The following DOK6 variants were observed in gnomAD, a reference collection of about 807,000 sequenced individuals.
DOK6 encodes the protein downstream of tyrosine kinase 6.
DOK6 carries 22 observed loss-of-function variants against 44.0 expected under a neutral mutation model. The ratio of observed to expected loss-of-function variants is 0.50; its 90% confidence interval spans 0.36 to 0.71. The LOEUF is 0.71. Among genes scored for constraint, DOK6 ranks in the 30% least tolerant of loss-of-function variants. DOK6 has a pLI of 0.00. For missense variants in DOK6, 340 were observed against 416.4 expected, an observed-to-expected ratio of 0.82 and a Z score of 1.60; for synonymous variants, 166 against 145.5, an observed-to-expected ratio of 1.14 and a Z score of -1.01.
At chr18:69,488,123 T>C (rs944091782) in intron 1 of DOK6, among the ~76,000 whole-genome samples, 1 of 152,106 alleles carries the variant, frequency 6.6e-6, no homozygotes, top group Non-Finnish European at 1.5e-5. Flanking sequence ...CACAATCTCA[T>C]AGTGTGTTTC....
chr18:69,496,378 T>G (rs2144544407), intron 1 of DOK6, among the ~76,000 whole-genome samples: 1 of 152,350 alleles, frequency 6.6e-6, no homozygotes, highest in East Asian at 1.9e-4. Context: ...CTCCCACTTG[T>G]CCCGGCTACC....
At chr18:69,455,058 A>AT (rs1192987855) in intron 1 of DOK6, among the ~76,000 whole-genome samples, 6 of 143,150 alleles carry the variant, frequency 4.2e-5, no homozygotes, top group Admixed American at 7.4e-5. Flanking sequence ...TTAAAGTATA[A>AT]TAAAAAAAAA....
intron 3 of DOK6, among the ~76,000 whole-genome samples, chr18:69,636,029 A>G (rs1311504359): frequency 1.3e-5 from 2 of 152,102 alleles, no homozygotes; most frequent in Non-Finnish European, 2.9e-5. Flanking sequence ...TGCGGTATGG[A>G]AGAATGGTGA....
chr18:69,489,384 T>TGGGCCA (rs1568274324), intron 1 of DOK6, among the ~76,000 whole-genome samples: 1 of 152,180 alleles, frequency 6.6e-6, no homozygotes, highest in Admixed American at 6.5e-5. Flanking sequence ...TGATGGACCA[T>TGGGCCA]GGGCCAGGGC....
intron 1 of DOK6, among the ~76,000 whole-genome samples, chr18:69,404,307 T>A (rs1045318760): frequency 6.6e-6 from 1 of 152,202 alleles, no homozygotes; most frequent in African/African-American, 2.4e-5. Context: ...TGTGTCTCAC[T>A]GGGGAAGCTA....
intron 4 of DOK6, among the ~76,000 whole-genome samples, chr18:69,694,738 T>G (rs961739742): frequency 6.6e-6 from 1 of 151,824 alleles, no homozygotes. Flanking sequence ...TAGCAGAATA[T>G]TTATGTTTTA....
chr18:69,731,268 T>C (rs1350006062), intron 5 of DOK6, among the ~76,000 whole-genome samples: 1 of 152,122 alleles, frequency 6.6e-6, no homozygotes, highest in African/African-American at 2.4e-5. Flanking sequence ...AGAACAAATA[T>C]AATTCATAAG....
chr18:69,632,478 T>C (rs1008116401), intron 3 of DOK6, among the ~76,000 whole-genome samples: 3 of 152,186 alleles, frequency 2.0e-5, no homozygotes, highest in African/African-American at 7.2e-5. Flanking sequence ...AGGGATTCTG[T>C]TATCTTGAAG....
chr18:69,665,437 T>C (rs527895140), intron 3 of DOK6, among the ~76,000 whole-genome samples: 4 of 152,310 alleles, frequency 2.6e-5, no homozygotes, highest in African/African-American at 9.6e-5. Context: ...CCTAATTATT[T>C]GTACCTAATT....
Position 69,659,038 on chromosome 18 carries a change from T to C in DOK6, c.290-18696T>C, listed in dbSNP as rs530315768. Among the ~76,000 whole-genome samples, 29 of 152,350 alleles carry C rather than the reference T, an allele frequency of 1.9e-4. No individual in the cohort carries two copies. In the South Asian group the frequency reaches 6.0e-3, roughly 32 times the overall value. On this transcript the variant is annotated intron_variant, in intron 3 of 7. Coordinates refer to ENST00000382713, the MANE Select transcript of DOK6 (RefSeq NM_152721.6). ...CACATTAAAATCAAATGCAGGCAAA[T>C]TGAAAATTTCCTTAACACCCTGAAA...
chr18:69,771,027 T>C (rs1011015614), intron 7 of DOK6, among the ~76,000 whole-genome samples: 2 of 152,044 alleles, frequency 1.3e-5, no homozygotes, highest in Admixed American at 6.6e-5. Flanking sequence ...AGTAACTTTT[T>C]AAGTGAAGGC....
chr18:69,674,413 A>T (rs1985874730), intron 3 of DOK6, among the ~76,000 whole-genome samples: 1 of 152,180 alleles, frequency 6.6e-6, no homozygotes, highest in Non-Finnish European at 1.5e-5. Context: ...ATTTTTCTAC[A>T]TGAACTCAGA....
intron 1 of DOK6, among the ~76,000 whole-genome samples, chr18:69,514,862 A>T (rs565713990): frequency 6.6e-6 from 1 of 151,582 alleles, no homozygotes; most frequent in Non-Finnish European, 1.5e-5. Context: ...GAAGAAACAG[A>T]TGCTTGCTAT....
At chr18:69,466,864 G>A (rs1033433579) in intron 1 of DOK6, among the ~76,000 whole-genome samples, 4 of 151,972 alleles carry the variant, frequency 2.6e-5, no homozygotes, top group Non-Finnish European at 5.9e-5. Context: ...TTCTGTGTCC[G>A]TAATGAAATA....
intron 3 of DOK6, among the ~76,000 whole-genome samples, chr18:69,666,992 AC>A (rs149070222): frequency 7.3e-5 from 11 of 151,012 alleles, no homozygotes; most frequent in African/African-American, 1.5e-4. Flanking sequence ...TCCCAGAAGG[AC>A]CCCCCCTCCC....
At chr18:69,820,472 C>T (rs550096531) in intron 7 of DOK6, among the ~76,000 whole-genome samples, 11 of 152,104 alleles carry the variant, frequency 7.2e-5, no homozygotes, top group East Asian at 1.9e-4. Context: ...CCATAGGGTG[C>T]GTAGATTACT....
At chr18:69,509,697 A>T (rs1190081272) in intron 1 of DOK6, among the ~76,000 whole-genome samples, 1 of 150,876 alleles carries the variant, frequency 6.6e-6, no homozygotes, top group Non-Finnish European at 1.5e-5. Context: ...TTTCTGTGTC[A>T]GACTTTCATT....
At chr18:69,724,669 T>A (rs1433132561) in intron 5 of DOK6, 1 of 152,198 alleles carries the variant, frequency 6.6e-6, no homozygotes, top group Non-Finnish European at 1.5e-5. Flanking sequence ...TACTCTTCCA[T>A]AGAGTTTCAT....
chr18:69,716,811 A>G (rs904411412), intron 5 of DOK6, among the ~76,000 whole-genome samples: 3 of 151,824 alleles, frequency 2.0e-5, no homozygotes, highest in Non-Finnish European at 4.4e-5. Flanking sequence ...CCTAGGAGTA[A>G]TTTCTTAATT....
Sources: allele counts gnomAD v4.1 joint callset (sites outside exome capture counted in the v4.1 genomes callset), GRCh38; gene constraint gnomAD v4.1.1; transcripts MANE v1.5; gene names NCBI Gene and HGNC (gene_info 2026-07-23, HGNC 2026-07-21).